Variants in PRR16 observed in about 807,000 individuals in gnomAD.
PRR16 encodes protein Largen.
Under a neutral mutation model 18.2 loss-of-function variants are expected in PRR16, and 6 were observed. The observed-to-expected ratio is 0.33, with a 90% CI of 0.18 to 0.65. The LOEUF is 0.65. Among genes scored for constraint, PRR16 ranks in the 30% least tolerant of loss-of-function variants. PRR16 has a pLI of 0.74. For synonymous variants in PRR16, 151 were observed against 147.8 expected, an observed-to-expected ratio of 1.02 and a Z score of -0.16; for missense variants, 412 against 376.6, an observed-to-expected ratio of 1.09 and a Z score of -0.78.
chr5:120,491,251 T>A (rs1392344303), intron 1 of PRR16, among the ~76,000 whole-genome samples: 1 of 152,156 alleles, frequency 6.6e-6, no homozygotes, highest in Non-Finnish European at 1.5e-5. Flanking sequence ...GCATGAGAAG[T>A]CACTGGAAAA....
intron 1 of PRR16, among the ~76,000 whole-genome samples, chr5:120,556,582 C>A (rs954759349): frequency 6.6e-6 from 1 of 151,836 alleles, no homozygotes; most frequent in African/African-American, 2.4e-5. Flanking sequence ...TTAAAGGAAA[C>A]CAAGGCTCTT....
chr5:120,643,471 T>TA (rs1282446633), intron 1 of PRR16, among the ~76,000 whole-genome samples: 2 of 152,110 alleles, frequency 1.3e-5, no homozygotes, highest in African/African-American at 2.4e-5. Context: ...ACATGATTTT[T>TA]AAAAAAATAT....
intron 1 of PRR16, among the ~76,000 whole-genome samples, chr5:120,497,960 A>G (rs1750314648): frequency 6.6e-6 from 1 of 151,702 alleles, no homozygotes; most frequent in African/African-American, 2.4e-5. Flanking sequence ...AATAGACAGA[A>G]TATAGTCATC....
At chr5:120,712,753 T>G in the PRR16 span, among the ~76,000 whole-genome samples, 1 of 152,048 alleles carries the variant, frequency 6.6e-6, no homozygotes, top group Non-Finnish European at 1.5e-5. Context: ...TAGGGAAATA[T>G]AAATCAAAAC....
intron 1 of PRR16, among the ~76,000 whole-genome samples, chr5:120,587,151 G>A (rs773833523): frequency 6.6e-6 from 1 of 152,174 alleles, no homozygotes; most frequent in Non-Finnish European, 1.5e-5. Flanking sequence ...AGGCTAAAAG[G>A]TGAAGAAGAT....
chr5:120,705,254 C>G, the PRR16 span, among the ~76,000 whole-genome samples: 1 of 151,900 alleles, frequency 6.6e-6, no homozygotes, highest in Admixed American at 6.6e-5. Flanking sequence ...TCATTTATAG[C>G]TTTTATTCAG....
chr5:120,727,981 A>G, the PRR16 span, among the ~76,000 whole-genome samples: 1 of 152,018 alleles, frequency 6.6e-6, no homozygotes, highest in Non-Finnish European at 1.5e-5. Context: ...TAAGTTATCT[A>G]TAGAATATCT....
At chr5:120,675,393 G>A (rs1756761695) in intron 1 of PRR16, among the ~76,000 whole-genome samples, 2 of 151,698 alleles carry the variant, frequency 1.3e-5, no homozygotes, top group South Asian at 4.2e-4. Flanking sequence ...AAAGAGTGTG[G>A]GGCCATTAGA....
intron 1 of PRR16, among the ~76,000 whole-genome samples, chr5:120,583,937 A>T (rs1417462404): frequency 4.6e-5 from 7 of 152,218 alleles, no homozygotes; most frequent in Non-Finnish European, 1.0e-4. Context: ...TTTAACACTT[A>T]CTAAGTATCT....
the PRR16 span, among the ~76,000 whole-genome samples, chr5:120,710,068 C>T: frequency 4.6e-5 from 7 of 152,272 alleles, no homozygotes; most frequent in East Asian, 3.9e-4. Context: ...TTCATGGTGG[C>T]TGTACTAATT....
the PRR16 span, among the ~76,000 whole-genome samples, chr5:120,784,006 C>A: frequency 6.6e-6 from 1 of 152,088 alleles, no homozygotes; most frequent in Non-Finnish European, 1.5e-5. Context: ...GACATAATGT[C>A]CTCCAGTTCC....
intron 1 of PRR16, among the ~76,000 whole-genome samples, chr5:120,677,905 C>CTTTTTTTTTTTTTT (rs386404833): frequency 4.3e-5 from 4 of 93,218 alleles, no homozygotes; most frequent in African/African-American, 8.8e-5. Context: ...CTTTTTCTTT[C>CTTTTTTTTTTTTTT]TTTTTTTTTT....
At chr5:120,713,891 A>G in the PRR16 span, among the ~76,000 whole-genome samples, 1 of 152,176 alleles carries the variant, frequency 6.6e-6, no homozygotes, top group South Asian at 2.1e-4. Flanking sequence ...TTTCATAAGC[A>G]ATCTTTTTCC....
intron 1 of PRR16, among the ~76,000 whole-genome samples, chr5:120,476,239 C>A (rs1264170572): frequency 6.6e-6 from 1 of 152,142 alleles, no homozygotes; most frequent in Non-Finnish European, 1.5e-5. Flanking sequence ...TCAAACCCAG[C>A]CTTCCAGCCT....
At chr5:120,538,934 CTG>C (rs1561537017) in intron 1 of PRR16, among the ~76,000 whole-genome samples, 2 of 151,964 alleles carry the variant, frequency 1.3e-5, no homozygotes, top group Admixed American at 6.6e-5. Flanking sequence ...TGGAGGAAGA[CTG>C]TGAAAAAATG....
intron 1 of PRR16, among the ~76,000 whole-genome samples, chr5:120,505,656 T>C (rs1264262535): frequency 6.6e-6 from 1 of 152,186 alleles, no homozygotes; most frequent in Admixed American, 6.5e-5. Flanking sequence ...TTTACACTTT[T>C]ATTTTATAAC....
At chr5:120,471,524 GAAC>G (rs34667485) in intron 1 of PRR16, among the ~76,000 whole-genome samples, 509 of 152,030 alleles carry the variant, frequency 3.3e-3, no homozygotes, top group Non-Finnish European at 6.1e-3. Flanking sequence ...TCTTTACTAG[GAAC>G]AACATTATTG....
At position 120,686,138 on chromosome 5, in the gene PRR16, C is replaced by G; in HGVS notation, c.344C>G (p.Thr115Arg). The stretch of plus-strand genomic sequence containing the variant: ...CCAGCACACCCGTCTGCTATCCTCA[C>G]GGTCCTGAGAAAGCCAAACCCTCCA... ...KPPAHPSAIL[T>R]VLRKPNPPPP... Residue 115 changes from threonine (T) to arginine (R), a missense_variant, in exon 2 of 2, where the codon ACG becomes AGG. Coordinates refer to ENST00000407149, the MANE Select transcript of PRR16 (RefSeq NM_001300783.2). The G allele has an allele frequency of 6.2e-7, 1 of 1,614,134 alleles. No individual in the cohort carries two copies. Among genetic ancestry groups the G allele is most frequent in the Non-Finnish European group, 8.5e-7 (1 of 1,180,000 alleles).
intron 1 of PRR16, among the ~76,000 whole-genome samples, chr5:120,634,505 T>C (rs1442134028): frequency 2.0e-5 from 3 of 152,066 alleles, no homozygotes; most frequent in African/African-American, 7.2e-5. Context: ...TAGCTGGACA[T>C]GCTGGCATGT....
Sources: allele counts gnomAD v4.1 joint callset (sites outside exome capture counted in the v4.1 genomes callset), GRCh38; gene constraint gnomAD v4.1.1; transcripts MANE v1.5; gene names NCBI Gene and HGNC (gene_info 2026-07-23, HGNC 2026-07-21).